Variants in DISP2 observed in about 807,000 individuals in gnomAD.
The protein encoded by DISP2 is protein dispatched homolog 2.
Under a neutral mutation model 95.5 loss-of-function variants are expected in DISP2, and 59 were observed. The observed-to-expected ratio is 0.62, with a 90% CI of 0.50 to 0.77. The LOEUF is 0.77. DISP2 is among the 30% of genes least tolerant of loss of function. The pLI, the probability that DISP2 is intolerant of heterozygous loss-of-function variation, is 0.00. For synonymous variants in DISP2, 827 were observed against 815.0 expected, an observed-to-expected ratio of 1.01 and a Z score of -0.25; for missense variants, 1,752 against 1,854.6, an observed-to-expected ratio of 0.94 and a Z score of 1.02.
Position 40,367,128 on chromosome 15 carries a change from C to T in DISP2, c.1016C>T (p.Ser339Phe). ...GCCAACCAGTGCTGCCCCAGCTGGT[C>T]CCTGGGCAACTATCTGGCTGTGCTC... ...TAANQCCPSWSLGNYLAVLSN... is the reference protein window; with the variant it reads ...TAANQCCPSWFLGNYLAVLSN... The change falls in exon 8 of 8, where the codon TCC (serine) becomes TTC (phenylalanine). Residue 339 changes from serine to phenylalanine, a missense_variant. Physicochemically the swap from Ser to Phe is radical, Grantham distance 155 (BLOSUM62 -2). Coordinates refer to ENST00000267889, the MANE Select transcript of DISP2 (RefSeq NM_033510.3). 1.9e-6 allele frequency: 3 copies of T among 1,613,878 alleles called. No homozygotes were observed. Among genetic ancestry groups the T allele is most frequent in the Non-Finnish European group, 2.5e-6 (3 of 1,180,022 alleles).
At chr15:40,359,098 C>T (rs1404450966) in intron 1 of DISP2, among the ~76,000 whole-genome samples, 1 of 152,210 alleles carries the variant, frequency 6.6e-6, no homozygotes, top group African/African-American at 2.4e-5. Context: ...GGGACACCTT[C>T]CTGCTGAGGG....
At chr15:40,360,285 G>A (rs1383226890) in intron 1 of DISP2, among the ~76,000 whole-genome samples, 1 of 152,200 alleles carries the variant, frequency 6.6e-6, no homozygotes, top group African/African-American at 2.4e-5. Flanking sequence ...GTAGCCCTGG[G>A]GTGCTTAACT....
chr15:40,361,685 T>C (rs1220469690), intron 1 of DISP2, among the ~76,000 whole-genome samples: 1 of 152,240 alleles, frequency 6.6e-6, no homozygotes, highest in African/African-American at 2.4e-5. Flanking sequence ...AGAGCATGTT[T>C]TTCCTTCCTA....
rs1418097246 is a variant in DISP2 at position 40,373,059 on chromosome 15, A to T, written c.*2741A>T. On this transcript the variant is annotated 3_prime_UTR_variant, in exon 8 of 8. Transcript: ENST00000267889. ...GGCCCAAACCAACAGCAGGCAATCC[A>T]CATCAGCAGGAAATCCAGCCTGCCT... is the stretch of plus-strand genomic sequence containing the variant. 2.6e-5 allele frequency: 4 copies of T among 152,230 alleles called. No individual in the cohort carries two copies. The highest frequency in any genetic ancestry group is 2.6e-4 in the Admixed American group (4 of 15,278). 9.4% of individuals were successfully genotyped at this position (152,230 alleles called of 1,614,324 possible).
At chr15:40,360,955 C>T (rs748118418) in intron 1 of DISP2, among the ~76,000 whole-genome samples, 3 of 152,192 alleles carry the variant, frequency 2.0e-5, no homozygotes, top group Admixed American at 6.5e-5. Flanking sequence ...AAGAAAAACC[C>T]GCAGAATTTA....
chr15:40,368,592 C>G lies in DISP2; in HGVS notation c.2480C>G (p.Thr827Ser), dbSNP rs147645156. ...GCCCGGAATCAGAGCTTCTTCGACA[C>G]CCTGCAGGAAGGCTGGCCCACGCTG... ...HRARNQSFFD[T>S]LQEGWPTLCF... The change falls in exon 8 of 8, where the codon ACC (threonine) becomes AGC (serine). Residue 827 changes from threonine to serine, a missense_variant. Around this residue, in one of 5 missense-constraint regions of DISP2, gnomAD observed 732 missense variants for 714.6 expected, o/e 1.02. Transcript: ENST00000267889. 481 of 1,605,480 alleles carry G rather than the reference C, an allele frequency of 3.0e-4. 1 individual carries two copies. In the African/African-American group the frequency reaches 5.8e-3, roughly 19 times the overall value.
At position 40,369,300 on chromosome 15, in the gene DISP2, C is replaced by T. The variant is rs1409551763; in HGVS notation, c.3188C>T (p.Thr1063Ile). 6.2e-7 allele frequency: 1 copy of T among 1,613,640 alleles called. No individual in the cohort carries two copies. Among genetic ancestry groups the T allele is most frequent in the Non-Finnish European group, 8.5e-7 (1 of 1,180,046 alleles). ...AFSLRQTSCA[T>I]AVGAAALFAA... is the part of the protein sequence containing the mutation. ...TCTCTGCGCCAGACCAGCTGCGCCA[C>T]AGCCGTGGGGGCTGCAGCCCTGTTT... is the stretch of plus-strand genomic sequence containing the variant. Residue 1063 changes from threonine (T) to isoleucine (I), a missense_variant, in exon 8 of 8, where the codon ACA becomes ATA. Thr to Ile is a moderately conservative substitution (Grantham distance 89). Around this residue, in one of 5 missense-constraint regions of DISP2, gnomAD observed 317 missense variants for 394.9 expected, o/e 0.80. Coordinates refer to ENST00000267889, the MANE Select transcript of DISP2 (RefSeq NM_033510.3).
At position 40,364,507 on chromosome 15, in the gene DISP2, T is replaced by C. The variant is rs1285810878; in HGVS notation, c.566T>C (p.Leu189Ser). Reference protein sequence around the residue: ...VIFLCTLAGLLGARLPDFSKP... With the variant: ...VIFLCTLAGLSGARLPDFSKP... ...TTCCTCTGCACCCTGGCTGGACTGTTGGGGGCCCGGCTGCCCGACTTCTCC... is the reference window on the plus strand; with the variant it reads ...TTCCTCTGCACCCTGGCTGGACTGTCGGGGGCCCGGCTGCCCGACTTCTCC... Residue 189 changes from leucine to serine, a missense_variant, in exon 4 of 8, where the codon TTG becomes TCG. Physicochemically the swap from Leu to Ser is moderately radical, Grantham distance 145. Transcript: ENST00000267889. The C allele has an allele frequency of 6.2e-7, 1 of 1,613,872 alleles. No homozygotes were observed. Among genetic ancestry groups the C allele is most frequent in the East Asian group, 2.2e-5 (1 of 44,892 alleles).
At position 40,367,111 on chromosome 15, in the gene DISP2, G is replaced by C; in HGVS notation, c.999G>C (p.Gln333His). ...TGTGCCAGCGGACAGCAGCCAACCA[G>C]TGCTGCCCCAGCTGGTCCCTGGGCA... ...GALCQRTAAN[Q>H]CCPSWSLGNY... The change falls in exon 8 of 8, where the codon CAG becomes CAC. Residue 333 changes from glutamine (Q) to histidine (H), a missense_variant. Around this residue, in one of 5 missense-constraint regions of DISP2, gnomAD observed 732 missense variants for 714.6 expected, o/e 1.02. Coordinates refer to ENST00000267889, the MANE Select transcript of DISP2 (RefSeq NM_033510.3). The C allele has an allele frequency of 2.5e-6, 4 of 1,613,558 alleles. No individual in the cohort carries two copies. Among genetic ancestry groups the C allele is most frequent in the Non-Finnish European group, 3.4e-6 (4 of 1,180,016 alleles).
Position 40,363,846 on chromosome 15 carries a change from G to A in DISP2, c.341G>A (p.Arg114Gln), listed in dbSNP as rs35070171. Residue 114 changes from arginine (R) to glutamine (Q), a missense_variant, in exon 2 of 8, where the codon CGG (arginine) becomes CAG (glutamine). Coordinates refer to ENST00000267889, the MANE Select transcript of DISP2 (RefSeq NM_033510.3). ...GGSSLPGLGD[R>Q]AALCSHGSSL... ...AGTTCCCTGCCAGGACTTGGGGATC[G>A]GGCAGCTCTCTGCTCCCACGGCTCC... The A allele has an allele frequency of 0.038, 60,907 of 1,610,214 alleles. 1,416 individuals carry two copies. The highest frequency in any genetic ancestry group is 0.048 in the Middle Eastern group (290 of 6,048).
In DISP2 at chr15:40,368,001, T is replaced by C; in HGVS notation, c.1889T>C (p.Leu630Pro). Residue 630 changes from leucine to proline, a missense_variant, in exon 8 of 8, where the codon CTG becomes CCG. Transcript: ENST00000267889. ...ATGGGCACGGCTGTGCTGGTGCACCTGGCGCTCACGCTGGTCTGGCTGCCC... is the reference window on the plus strand; with the variant it reads ...ATGGGCACGGCTGTGCTGGTGCACCCGGCGCTCACGCTGGTCTGGCTGCCC... ...LFMGTAVLVH[L>P]ALTLVWLPAS... is the part of the protein sequence containing the mutation. 1 of 1,539,656 alleles carries C rather than the reference T, an allele frequency of 6.5e-7. No homozygotes were observed. Among genetic ancestry groups the C allele is most frequent in the Non-Finnish European group, 8.7e-7 (1 of 1,149,120 alleles).
chr15:40,374,618 CT>C lies in DISP2; in HGVS notation c.*4309del, dbSNP rs1360134731. 3 of 144,138 alleles carry C rather than the reference CT, an allele frequency of 2.1e-5. No homozygotes were observed. The highest frequency in any genetic ancestry group is 2.2e-4 in the East Asian group (1 of 4,606). 8.9% of individuals were successfully genotyped at this position (144,138 alleles called of 1,614,324 possible). On this transcript the variant is annotated 3_prime_UTR_variant, in exon 8 of 8. Coordinates refer to ENST00000267889, the MANE Select transcript of DISP2 (RefSeq NM_033510.3). Reference sequence around the variant, plus strand: ...TCGTCCAGAGAGTTTCTGATCTTTTCTTTTTTTTTGAGACGGAGTCTTGCTC... The same window carrying C: ...TCGTCCAGAGAGTTTCTGATCTTTTCTTTTTTTTGAGACGGAGTCTTGCTC...
At position 40,364,821 on chromosome 15, in the gene DISP2, C is replaced by T. The variant is rs1268703773; in HGVS notation, c.604-17C>T. On this transcript the variant is annotated splice_polypyrimidine_tract_variant and intron_variant, in intron 4 of 7. Coordinates refer to ENST00000267889, the MANE Select transcript of DISP2 (RefSeq NM_033510.3). ...CCTACCCTGCCCACCTGTTCTTCTCCACCCTCCTCCCTGCAGGGCTTTGAG... is the reference window on the plus strand; with the variant it reads ...CCTACCCTGCCCACCTGTTCTTCTCTACCCTCCTCCCTGCAGGGCTTTGAG... 1.5e-5 allele frequency: 24 copies of T among 1,610,976 alleles called. No homozygotes were observed. Among genetic ancestry groups the T allele is most frequent in the Non-Finnish European group, 2.0e-5 (24 of 1,178,066 alleles).
chr15:40,370,423 A>G lies in DISP2; in HGVS notation c.*105A>G. The G allele has an allele frequency of 6.8e-7, 1 of 1,465,882 alleles. No homozygotes were observed. Among genetic ancestry groups the G allele is most frequent in the Non-Finnish European group, 9.0e-7 (1 of 1,106,100 alleles). The allele number at this position is 1,465,882 out of a possible 1,614,324, so 90.8% of individuals were successfully genotyped here. ...AAGGTATTTCTCCAGATCCACAGGG[A>G]GAGGTCTCACCCTCCAGCTGTGGAT... On this transcript the variant is annotated 3_prime_UTR_variant, in exon 8 of 8. Transcript: ENST00000267889.
At position 40,377,911 on chromosome 15, in the gene DISP2, C is replaced by T. The variant is rs1315865467; in HGVS notation, c.*7593C>T. 5.9e-5 allele frequency: 9 copies of T among 152,278 alleles called. No individual in the cohort carries two copies. The highest frequency in any genetic ancestry group is 1.9e-4 in the African/African-American group (8 of 41,424). 9.4% of individuals were successfully genotyped at this position (152,278 alleles called of 1,614,324 possible). A position where few individuals can be genotyped will look rare whatever the true frequency, so the allele number is the denominator to read the frequency against. ...CAGAGGTCTCAGAAGGGCCTTGCCT[C>T]GTAGTGGGGATTCATTAGCCCTAGT... On this transcript the variant is annotated 3_prime_UTR_variant, in exon 8 of 8. Transcript: ENST00000267889.
rs1254256366 is a variant in DISP2, at chr15:40,370,603, G to A, written c.*285G>A. On this transcript the variant is annotated 3_prime_UTR_variant, in exon 8 of 8. Transcript: ENST00000267889. The stretch of plus-strand genomic sequence containing the variant: ...ACCATCTAAGACCCCTCCTCTAGAA[G>A]TGGGGAAGGCCAGATGTGTAGCTTC... The A allele has an allele frequency of 1.6e-6, 1 of 632,786 alleles. No individual in the cohort carries two copies. The highest frequency in any genetic ancestry group is 1.8e-5 in the African/African-American group (1 of 55,782). 39.2% of individuals were successfully genotyped at this position (632,786 alleles called of 1,614,324 possible). A position where few individuals can be genotyped will look rare whatever the true frequency, so the allele number is the denominator to read the frequency against.
In DISP2 at chr15:40,369,257, C is replaced by A; in HGVS notation, c.3145C>A (p.Leu1049Met). 1 of 1,613,896 alleles carries A rather than the reference C, an allele frequency of 6.2e-7. No homozygotes were observed. The highest frequency in any genetic ancestry group is 8.5e-7 in the Non-Finnish European group (1 of 1,180,034). ...TCACCTGTGCCCACACCCTGACCGC[C>A]TGAGCCGTGTGGCCTTCTCTCTGCG... ...SYHLCPHPDRLSRVAFSLRQT... is the reference protein window; with the variant it reads ...SYHLCPHPDRMSRVAFSLRQT... The change falls in exon 8 of 8, where the codon CTG (leucine) becomes ATG (methionine). Residue 1049 changes from leucine (L) to methionine (M), a missense_variant. Leu to Met is a conservative substitution (Grantham distance 15). Coordinates refer to ENST00000267889, the MANE Select transcript of DISP2 (RefSeq NM_033510.3).
rs1345071449 is a variant in DISP2, at chr15:40,372,048, GC to G, written c.*1731del. ...GGGGCCTTGGCGATCGTTTATTCCA[GC>G]AGTTTTCAAATTTTGTAGCCTCAGG... On this transcript the variant is annotated 3_prime_UTR_variant, in exon 8 of 8. Transcript: ENST00000267889. The G allele has an allele frequency of 6.6e-6, 1 of 152,172 alleles. No individual in the cohort carries two copies. The highest frequency in any genetic ancestry group is 2.4e-5 in the African/African-American group (1 of 41,456). The allele number at this position is 152,172 out of a possible 1,614,324, so 9.4% of individuals were successfully genotyped here. A position where few individuals can be genotyped will look rare whatever the true frequency, so the allele number is the denominator to read the frequency against.
In DISP2 at chr15:40,364,897, A is replaced by T. The variant is rs1286101487; in HGVS notation, c.663A>T (p.Gln221His). ...AGTTAGTGGTCTGGAGAGCACTACAAGCCCTCACAGGCCCCAGGAAGCTGC... is the reference window on the plus strand; with the variant it reads ...AGTTAGTGGTCTGGAGAGCACTACATGCCCTCACAGGCCCCAGGAAGCTGC... Reference protein sequence around the residue: ...GSKLVVWRALQALTGPRKLLF... With the variant: ...GSKLVVWRALHALTGPRKLLF... Residue 221 changes from glutamine to histidine, a missense_variant, in exon 5 of 8, where the codon CAA becomes CAT. Transcript: ENST00000267889. 3.7e-6 allele frequency: 6 copies of T among 1,614,062 alleles called. No individual in the cohort carries two copies. Among genetic ancestry groups the T allele is most frequent in the Non-Finnish European group, 4.2e-6 (5 of 1,180,022 alleles).
Sources: allele counts gnomAD v4.1 joint callset (sites outside exome capture counted in the v4.1 genomes callset), GRCh38; gene constraint gnomAD v4.1.1; regional missense constraint gnomAD v4.1.1; transcripts MANE v1.5; gene names NCBI Gene and HGNC (gene_info 2026-07-23, HGNC 2026-07-21).